CHERP: variants seen among roughly 807,000 people sequenced by gnomAD.
The protein encoded by CHERP is ERPROT 213-21.
CHERP carries 8 observed loss-of-function variants against 113.8 expected under a neutral mutation model. That is an observed-to-expected ratio of 0.07 (90% confidence interval 0.04 to 0.13). The LOEUF (loss-of-function observed/expected upper bound fraction) is 0.13. Among genes scored for constraint, CHERP ranks in the 10% least tolerant of loss-of-function variants. The probability of loss-of-function intolerance (pLI) is 1.00; values close to 1 mark genes in which losing one functional copy is unlikely to be tolerated. For missense variants in CHERP, 884 were observed against 1,298.2 expected (o/e 0.68, Z 4.90); for synonymous variants, 559 against 524.5 (o/e 1.07, Z -0.90).
In CHERP at chr19:16,519,389, G is replaced by A. The variant is rs377260502; in HGVS notation, c.2558-37C>T. On this transcript the variant is annotated intron_variant, in intron 16 of 16. Transcript: ENST00000546361. This position sits in a 1 kb window ranked among gnomAD's most constrained non-coding sequence, Gnocchi z 6.0. The stretch of plus-strand genomic sequence containing the variant: ...GACGCAGTCACAACCACAACAAGGC[G>A]GAGGCAGATGGGGGTGCACGTGGGG... 4.0e-5 allele frequency: 63 copies of A among 1,590,172 alleles called. No homozygotes were observed. The South Asian group carries it at 4.0e-4, about 10-fold the overall frequency.
chr19:16,535,202 C>T lies in CHERP; in HGVS notation c.384+250G>A, dbSNP rs1423654558. On this transcript the variant is annotated intron_variant, in intron 3 of 16. Transcript: ENST00000546361. This position sits in a 1 kb window ranked among gnomAD's most constrained non-coding sequence, Gnocchi z 4.3. Reference sequence around the variant, plus strand: ...AGCTTCAAGGTGCATACGTGCCCCACAGTCCCACTCAGGGGGGTCCACCCC... The same window carrying T: ...AGCTTCAAGGTGCATACGTGCCCCATAGTCCCACTCAGGGGGGTCCACCCC... Among the ~76,000 whole-genome samples, 1 of 152,242 alleles carries T rather than the reference C, an allele frequency of 6.6e-6. No individual in the cohort carries two copies. Among genetic ancestry groups the T allele is most frequent in the Admixed American group, 6.5e-5 (1 of 15,288 alleles).
rs780716264 is a variant in CHERP at position 16,521,494 on chromosome 19, C to T, written c.2114+27G>A. 7.8e-6 allele frequency: 12 copies of T among 1,538,898 alleles called. No homozygotes were observed. In the Admixed American group the frequency reaches 1.6e-4, roughly 20 times the overall value. On this transcript the variant is annotated intron_variant, in intron 12 of 16. Transcript: ENST00000546361. ...CGGGAGAGGGGACAGAGGCCTCCCG[C>T]CCACCCCACTGACCTGGGCCCCTTA...
Position 16,523,678 on chromosome 19 carries a change from C to T in CHERP, c.1742-388G>A, listed in dbSNP as rs780957385. 2.6e-5 allele frequency among the ~76,000 whole-genome samples: 4 copies of T among 151,990 alleles called. No homozygotes were observed. Among genetic ancestry groups the T allele is most frequent in the Non-Finnish European group, 4.4e-5 (3 of 68,012 alleles). ...GAGTTAAAATGAAGCCATAGTGGCCCGAATCCAACGTGACTGTTGCCGTTA... is the reference window on the plus strand; with the variant it reads ...GAGTTAAAATGAAGCCATAGTGGCCTGAATCCAACGTGACTGTTGCCGTTA... On this transcript the variant is annotated intron_variant, in intron 10 of 16. Coordinates refer to ENST00000546361, the MANE Select transcript of CHERP (RefSeq NM_006387.6). The surrounding 1 kb of genome is among the most constrained non-coding windows in gnomAD (Gnocchi z 4.0).
intron 11 of CHERP, among the ~76,000 whole-genome samples, chr19:16,522,327 C>T (rs914358094): frequency 2.0e-5 from 3 of 151,238 alleles, no homozygotes; most frequent in Non-Finnish European, 2.9e-5. Context: ...GGCGTGATCT[C>T]GGCTCAGTGC....
intron 11 of CHERP, 142 bp downstream of exon 11, chr19:16,522,910 C>A: frequency 1.0e-6 from 1 of 984,028 alleles, no homozygotes; most frequent in Non-Finnish European, 1.4e-6. Flanking sequence ...GCACCTCCCA[C>A]TGACGGATCA....
Position 16,525,499 on chromosome 19 carries a change from G to C in CHERP, c.1484C>G (p.Pro495Arg). 1 of 1,553,182 alleles carries C rather than the reference G, an allele frequency of 6.4e-7. No homozygotes were observed. Among genetic ancestry groups the C allele is most frequent in the Non-Finnish European group, 8.7e-7 (1 of 1,150,780 alleles). The change falls in exon 10 of 17, where the codon CCC becomes CGC. Residue 495 changes from proline (P) to arginine (R), a missense_variant. Pro to Arg is a moderately radical substitution (Grantham distance 103). This residue lies in a region of CHERP where 464 missense variants were observed against 590.1 expected (regional missense o/e 0.79). Coordinates refer to ENST00000546361, the MANE Select transcript of CHERP (RefSeq NM_006387.6). This position sits in a 1 kb window ranked among gnomAD's most constrained non-coding sequence, Gnocchi z 6.5. ...CGGCTGCTCGTGCTGGCTGTTCCAG[G>C]GGCCCTCGAACTGGCTGTTCCAGGC... ...DAAWNSQFEG[P>R]WNSQHEQPPW...
chr19:16,523,031 G>A lies in CHERP; in HGVS notation c.1980+21C>T. The A allele has an allele frequency of 1.3e-6, 2 of 1,498,514 alleles. No individual in the cohort carries two copies. Among genetic ancestry groups the A allele is most frequent in the African/African-American group, 1.4e-5 (1 of 69,124 alleles). 92.8% of individuals were successfully genotyped at this position (1,498,514 alleles called of 1,614,324 possible). On this transcript the variant is annotated intron_variant, in intron 11 of 16. Transcript: ENST00000546361. The surrounding 1 kb of genome is among the most constrained non-coding windows in gnomAD (Gnocchi z 4.0). ...CAGTATGGTAAGCGTGCTCAGCTTG[G>A]AGCCCACTGTGGGGCATTACCTTCA...
intron 11 of CHERP, among the ~76,000 whole-genome samples, chr19:16,522,284 G>A (rs1348682046): frequency 6.7e-6 from 1 of 149,756 alleles, no homozygotes; most frequent in Non-Finnish European, 1.5e-5. Context: ...TTTTTGAGAC[G>A]GAGTCCTGCT....
chr19:16,524,798 G>C (rs988712017), intron 10 of CHERP, among the ~76,000 whole-genome samples: 1 of 150,710 alleles, frequency 6.6e-6, no homozygotes, highest in Non-Finnish European at 1.5e-5. Flanking sequence ...GCGGTCTGTC[G>C]CCCAGGGTGG....
At chr19:16,536,814 G>A (rs748142320) in intron 2 of CHERP, among the ~76,000 whole-genome samples, 56 of 152,132 alleles carry the variant, frequency 3.7e-4, no homozygotes, top group African/African-American at 2.9e-4. Context: ...TCAGGAGTTC[G>A]AGACCAGCCT....
chr19:16,518,977 C>G lies in CHERP; in HGVS notation c.*182G>C. On this transcript the variant is annotated 3_prime_UTR_variant, in exon 17 of 17. Coordinates refer to ENST00000546361, the MANE Select transcript of CHERP (RefSeq NM_006387.6). ...GGTTTGTGGGTGGCACCCGTGCCCT[C>G]CACGCCATGGAGCACGGCGTTCCCA... 2 of 634,190 alleles carry G rather than the reference C, an allele frequency of 3.2e-6. No homozygotes were observed. The highest frequency in any genetic ancestry group is 5.3e-6 in the Non-Finnish European group (2 of 374,820). The allele number at this position is 634,190 out of a possible 1,614,324, so 39.3% of individuals were successfully genotyped here.
chr19:16,540,388 T>TA (rs1318325674), intron 2 of CHERP, among the ~76,000 whole-genome samples: 1 of 146,558 alleles, frequency 6.8e-6, no homozygotes, highest in African/African-American at 2.5e-5. Flanking sequence ...TGCTTTTTTT[T>TA]TTTAGATGGA....
chr19:16,520,020 T>A lies in CHERP; in HGVS notation c.2462+129A>T. ...GGCTACTGTGGTGAAGGGTGAGGGGTGCCACTGTCCCCGGGCTAATGCTGG... is the reference window on the plus strand; with the variant it reads ...GGCTACTGTGGTGAAGGGTGAGGGGAGCCACTGTCCCCGGGCTAATGCTGG... On this transcript the variant is annotated intron_variant, in intron 15 of 16. Coordinates refer to ENST00000546361, the MANE Select transcript of CHERP (RefSeq NM_006387.6). This position sits in a 1 kb window ranked among gnomAD's most constrained non-coding sequence, Gnocchi z 4.0. 3 of 962,186 alleles carry A rather than the reference T, an allele frequency of 3.1e-6. No individual in the cohort carries two copies. Among genetic ancestry groups the A allele is most frequent in the Non-Finnish European group, 4.8e-6 (3 of 626,462 alleles). 59.6% of individuals were successfully genotyped at this position (962,186 alleles called of 1,614,324 possible).
chr19:16,520,674 C>T lies in CHERP; in HGVS notation c.2201+152G>A. On this transcript the variant is annotated intron_variant, in intron 13 of 16. Transcript: ENST00000546361. This position sits in a 1 kb window ranked among gnomAD's most constrained non-coding sequence, Gnocchi z 4.0. ...TTCCTAAATAGTGTGGCCGAGCCTG[C>T]TGCTGTGTGAATTCAGGCCTTGTGG... 1 of 1,126,298 alleles carries T rather than the reference C, an allele frequency of 8.9e-7. No individual in the cohort carries two copies. The highest frequency in any genetic ancestry group is 1.3e-6 in the Non-Finnish European group (1 of 765,746). The allele number at this position is 1,126,298 out of a possible 1,614,324, so 69.8% of individuals were successfully genotyped here. A position where few individuals can be genotyped will look rare whatever the true frequency, so the allele number is the denominator to read the frequency against.
rs2085567396 is a variant in CHERP at position 16,518,358 on chromosome 19, C to CAGA, written c.*798_*800dup. ...ACTCAAGCAGGGGACGCGACGGGCA[C>CAGA]AGACTCCGAGGCAGCGCTCAACCTG... On this transcript the variant is annotated 3_prime_UTR_variant, in exon 17 of 17. Coordinates refer to ENST00000546361, the MANE Select transcript of CHERP (RefSeq NM_006387.6). 1 of 152,082 alleles carries CAGA rather than the reference C, an allele frequency of 6.6e-6. No homozygotes were observed. The highest frequency in any genetic ancestry group is 2.4e-5 in the African/African-American group (1 of 41,388). The allele number at this position is 152,082 out of a possible 1,614,324, so 9.4% of individuals were successfully genotyped here.
rs752229825 is a variant in CHERP, at chr19:16,529,760, C to CTGCTGCTGT, written c.1008_1016dup (p.Gln339_Gln341dup). 9 of 1,612,006 alleles carry CTGCTGCTGT rather than the reference C, an allele frequency of 5.6e-6. No homozygotes were observed. The highest frequency in any genetic ancestry group is 5.3e-5 in the African/African-American group (4 of 74,864). On this transcript the variant is annotated inframe_insertion, in exon 8 of 17. Coordinates refer to ENST00000546361, the MANE Select transcript of CHERP (RefSeq NM_006387.6). The stretch of plus-strand genomic sequence containing the variant: ...CCATCTGCGGCATCTGGAGCTGCTG[C>CTGCTGCTGT]TGCTGCTGTTGCTGCTGCTGCTGCT...
At position 16,528,264 on chromosome 19, in the gene CHERP, A is replaced by C; in HGVS notation, c.1130-9T>G. ...GGGAGGCTTGCTGTCATCTAAATCC[A>C]AGTGACAGGCAGTTAGAGCAGGCCT... On this transcript the variant is annotated splice_polypyrimidine_tract_variant and intron_variant, in intron 8 of 16. Coordinates refer to ENST00000546361, the MANE Select transcript of CHERP (RefSeq NM_006387.6). The C allele has an allele frequency of 4.5e-6, 7 of 1,560,602 alleles. No homozygotes were observed. Among genetic ancestry groups the C allele is most frequent in the Non-Finnish European group, 6.1e-6 (7 of 1,154,974 alleles).
In CHERP at chr19:16,535,155, T is replaced by TGCCTG. The variant is rs1288062209; in HGVS notation, c.384+292_384+296dup. Among the ~76,000 whole-genome samples the TGCCTG allele has an allele frequency of 6.6e-6, 1 of 152,152 alleles. No individual in the cohort carries two copies. Among genetic ancestry groups the TGCCTG allele is most frequent in the Non-Finnish European group, 1.5e-5 (1 of 68,024 alleles). ...GGGGCCAATGGTAGGCACCAGAGGC[T>TGCCTG]GCCTGGCCACAGCCATTAGGGAGCT... On this transcript the variant is annotated intron_variant, in intron 3 of 16. Transcript: ENST00000546361. The surrounding 1 kb of genome is among the most constrained non-coding windows in gnomAD (Gnocchi z 4.3).
intron 9 of CHERP, among the ~76,000 whole-genome samples, chr19:16,526,575 C>G (rs1021054184): frequency 6.6e-6 from 1 of 152,056 alleles, no homozygotes; most frequent in Admixed American, 6.6e-5. Context: ...TCAGGTGATT[C>G]TCCTGCCTCA....
Sources: allele counts gnomAD v4.1 joint callset (sites outside exome capture counted in the v4.1 genomes callset), GRCh38; gene constraint gnomAD v4.1.1; regional missense constraint gnomAD v4.1.1; non-coding constraint Gnocchi (gnomAD v3.1); transcripts MANE v1.5; gene names NCBI Gene and HGNC (gene_info 2026-07-23, HGNC 2026-07-21).